PPARD: variants seen among roughly 807,000 people sequenced by gnomAD.
PPARD encodes the protein peroxisome proliferator-activated receptor delta.
Under a neutral mutation model 39.5 loss-of-function variants are expected in PPARD, and 6 were observed. The ratio of observed to expected loss-of-function variants is 0.15; its 90% CI spans 0.08 to 0.30. PPARD has a LOEUF of 0.30. PPARD is among the 10% of genes least tolerant of loss of function. The pLI, the probability that PPARD is intolerant of heterozygous loss-of-function variation, is 1.00. For synonymous variants in PPARD, 210 were observed against 231.3 expected, an observed-to-expected ratio of 0.91 and a Z score of 0.83; for missense variants, 397 against 596.8, an observed-to-expected ratio of 0.67 and a Z score of 3.49.
intron 2 of PPARD, among the ~76,000 whole-genome samples, chr6:35,400,240 AC>A (rs1347697375): frequency 6.6e-6 from 1 of 152,104 alleles, no homozygotes; most frequent in Non-Finnish European, 1.5e-5. Context: ...CCTGCTGGCC[AC>A]CCACTCAGTG....
intron 2 of PPARD, among the ~76,000 whole-genome samples, chr6:35,397,262 C>T (rs1477681014): frequency 6.7e-6 from 1 of 149,940 alleles, no homozygotes; most frequent in East Asian, 2.0e-4. Flanking sequence ...GGGATCTGCT[C>T]AGCAAGAGGA....
chr6:35,358,308 T>C (rs1341658458), intron 2 of PPARD, among the ~76,000 whole-genome samples: 1 of 152,232 alleles, frequency 6.6e-6, no homozygotes, highest in African/African-American at 2.4e-5. Context: ...GGAAACTGTT[T>C]TCCCTTAGAA....
Position 35,347,152 on chromosome 6 carries a change from T to G in PPARD, c.-102+2T>G, listed in dbSNP as rs1582261798. 6.5e-7 allele frequency: 1 copy of G among 1,535,682 alleles called. No homozygotes were observed. Among genetic ancestry groups the G allele is most frequent in the Non-Finnish European group, 8.7e-7 (1 of 1,146,568 alleles). ...GATGAAGACAGATGCACCAACGAGG[T>G]AATCCCATTTTCTTTACTCAGGGGT... On this transcript the variant is annotated splice_donor_variant, in intron 2 of 7. Transcript: ENST00000360694. LOFTEE classifies it low-confidence loss of function (5UTR_SPLICE).
intron 2 of PPARD, among the ~76,000 whole-genome samples, chr6:35,354,554 C>T (rs1016516956): frequency 6.6e-6 from 1 of 152,090 alleles, no homozygotes; most frequent in Non-Finnish European, 1.5e-5. Flanking sequence ...CCACCTCGGC[C>T]TCCCAAAGTG....
intron 2 of PPARD, among the ~76,000 whole-genome samples, chr6:35,393,955 G>A (rs1377146619): frequency 6.6e-6 from 1 of 152,200 alleles, no homozygotes; most frequent in African/African-American, 2.4e-5. Flanking sequence ...GTCAGTATGT[G>A]CCTGCAGCTC....
chr6:35,406,887 C>T (rs1454995793), intron 2 of PPARD, among the ~76,000 whole-genome samples: 1 of 152,242 alleles, frequency 6.6e-6, no homozygotes, highest in South Asian at 2.1e-4. Flanking sequence ...GGCTCGAGTC[C>T]TGCTGTGTCC....
chr6:35,355,974 A>G (rs75140887), intron 2 of PPARD, among the ~76,000 whole-genome samples: 3,169 of 150,092 alleles, frequency 0.021, 65 homozygotes, highest in African/African-American at 0.052. Flanking sequence ...ATTCAGAAAG[A>G]CTCCCCAGAA....
intron 2 of PPARD, among the ~76,000 whole-genome samples, chr6:35,351,861 C>CTTTTTTTTTTT (rs774957372): frequency 1.1e-5 from 1 of 87,366 alleles, no homozygotes; most frequent in Non-Finnish European, 2.1e-5. Context: ...CACACCCAGC[C>CTTTTTTTTTTT]TTTTTTTTTT....
At chr6:35,344,837 G>T (rs1382389923) in intron 1 of PPARD, among the ~76,000 whole-genome samples, 2 of 152,194 alleles carry the variant, frequency 1.3e-5, no homozygotes, top group African/African-American at 4.8e-5. Context: ...ATGGCCTGTT[G>T]TTGAGCCAGT....
chr6:35,346,980 G>GT (rs1562163401), intron 1 of PPARD, 87 bp from the exon 2 acceptor site: 1 of 760,796 alleles, frequency 1.3e-6, no homozygotes, highest in Non-Finnish European at 2.1e-6. Flanking sequence ...CACTCTTTGA[G>GT]TTACGGTGGG....
chr6:35,355,459 G>A (rs1441161777), intron 2 of PPARD, among the ~76,000 whole-genome samples: 1 of 148,760 alleles, frequency 6.7e-6, no homozygotes, highest in African/African-American at 2.5e-5. Context: ...GGCTGAGGTA[G>A]GAGAATCACT....
chr6:35,406,828 C>G (rs1235374541), intron 2 of PPARD, among the ~76,000 whole-genome samples: 8 of 152,208 alleles, frequency 5.3e-5, no homozygotes, highest in Non-Finnish European at 1.5e-5. Context: ...GGAGCTGAGG[C>G]TCTGCTGAGT....
chr6:35,413,174 G>A lies in PPARD; in HGVS notation c.130+1957G>A, dbSNP rs368618629. ...TTTCCCAAATAGCATCACTGTTCCC[G>A]TGCAGGCCAGGTGAGGTGCCTGGGA... On this transcript the variant is annotated intron_variant, in intron 3 of 7. Coordinates refer to ENST00000360694, the MANE Select transcript of PPARD (RefSeq NM_006238.5). Among the ~76,000 whole-genome samples the A allele has an allele frequency of 3.1e-3, 474 of 152,274 alleles. 5 individuals are homozygous for A. The highest frequency in any genetic ancestry group is 0.011 in the African/African-American group (437 of 41,542).
chr6:35,382,587 A>C, intron 2 of PPARD, among the ~76,000 whole-genome samples: 1 of 152,214 alleles, frequency 6.6e-6, no homozygotes, highest in East Asian at 1.9e-4. Flanking sequence ...TTTCATTTTG[A>C]TCCCAAGAAC....
At chr6:35,367,213 G>A (rs1762252781) in intron 2 of PPARD, among the ~76,000 whole-genome samples, 1 of 152,222 alleles carries the variant, frequency 6.6e-6, no homozygotes, top group Non-Finnish European at 1.5e-5. Context: ...GGGAGAAGGT[G>A]AGTGATTTGG....
rs566711216 is a variant in PPARD, at chr6:35,366,724, A to G, written c.-102+19574A>G. ...ACCACCATGCCTGGCTAATTTTTCT[A>G]TTTTTAGTAGAAATGGGGTTTCACG... On this transcript the variant is annotated intron_variant, in intron 2 of 7. Coordinates refer to ENST00000360694, the MANE Select transcript of PPARD (RefSeq NM_006238.5). The surrounding 1 kb of genome is among the most constrained non-coding windows in gnomAD (Gnocchi z 4.6). 1.2e-4 allele frequency among the ~76,000 whole-genome samples: 18 copies of G among 151,752 alleles called. No homozygotes were observed. The highest frequency in any genetic ancestry group is 5.8e-4 in the East Asian group (3 of 5,140).
Position 35,394,284 on chromosome 6 carries a change from G to A in PPARD, c.-101-16703G>A, listed in dbSNP as rs147319301. Among the ~76,000 whole-genome samples, 80 of 152,302 alleles carry A rather than the reference G, an allele frequency of 5.3e-4. No homozygotes were observed. The East Asian group carries it at 0.015, about 28-fold the overall frequency. On this transcript the variant is annotated intron_variant, in intron 2 of 7. Transcript: ENST00000360694. ...CTGTATGTCACGGCCATCCTGCCAT[G>A]GCACCATGTCTGTGCCACCTGCTGC...
chr6:35,404,551 G>A (rs1764906743), intron 2 of PPARD, among the ~76,000 whole-genome samples: 1 of 152,180 alleles, frequency 6.6e-6, no homozygotes, highest in Admixed American at 6.5e-5. Flanking sequence ...TTCCCACACC[G>A]TACAGCCTGC....
In PPARD at chr6:35,420,225, T is replaced by C. The variant is rs766605262; in HGVS notation, c.229T>C (p.Cys77Arg). Residue 77 changes from cysteine to arginine, a missense_variant, in exon 4 of 8, where the codon TGC becomes CGC. Cys to Arg is a radical substitution (Grantham distance 180). Coordinates refer to ENST00000360694, the MANE Select transcript of PPARD (RefSeq NM_006238.5). ...CAGCCTCAACATGGAGTGCCGGGTG[T>C]GCGGGGACAAGGCATCGGGCTTCCA... ...CGSLNMECRV[C>R]GDKASGFHYG... 1 of 1,609,510 alleles carries C rather than the reference T, an allele frequency of 6.2e-7. No homozygotes were observed. The highest frequency in any genetic ancestry group is 1.7e-5 in the Admixed American group (1 of 59,546).
Sources: allele counts gnomAD v4.1 joint callset (sites outside exome capture counted in the v4.1 genomes callset), GRCh38; gene constraint gnomAD v4.1.1; non-coding constraint Gnocchi (gnomAD v3.1); transcripts MANE v1.5; gene names NCBI Gene and HGNC (gene_info 2026-07-23, HGNC 2026-07-21).